The following CYP1A1 variants were observed in gnomAD, a reference collection of about 807,000 sequenced individuals.
The protein encoded by CYP1A1 is cytochrome P450 family 1 subfamily A member 1, also known as cytochrome P450 1A1.
CYP1A1 carries 43 observed loss-of-function variants against 33.6 expected under a neutral mutation model. The ratio of observed to expected loss-of-function variants is 1.28; its 90% CI spans 1.00 to 1.65. CYP1A1 has a LOEUF of 1.65. Among genes scored for constraint, CYP1A1 ranks in the 40% most tolerant of loss-of-function variants. The probability of loss-of-function intolerance (pLI) is 0.00; values close to 1 mark genes in which losing one functional copy is unlikely to be tolerated. For synonymous variants in CYP1A1, 280 were observed against 257.8 expected (o/e 1.09, Z -0.83); for missense variants, 637 against 653.7 (o/e 0.97, Z 0.28).
rs753126837 is a variant in CYP1A1 at position 74,722,720 on chromosome 15, G to C, written c.378C>G (p.Asp126Glu). ...GGCGGGCAGCCCACACTGGTCCAGA[G>C]TCTGGGCTGAAGGACATGCTCTGAC... The part of the protein sequence containing the change: ...SNGQSMSFSP[D>E]SGPVWAARRR... Residue 126 changes from aspartate to glutamate, a missense_variant, in exon 2 of 7, where the codon GAC becomes GAG. Physicochemically the swap from Asp to Glu is conservative, Grantham distance 45 (BLOSUM62 2). Transcript: ENST00000379727. 3.1e-6 allele frequency: 5 copies of C among 1,613,422 alleles called. No homozygotes were observed. Among genetic ancestry groups the C allele is most frequent in the Admixed American group, 1.7e-5 (1 of 60,030 alleles).
intron 1 of CYP1A1, 104 bp from the exon 2 acceptor site, chr15:74,723,230 C>T (rs1478921166): frequency 3.1e-6 from 2 of 651,782 alleles, no homozygotes; most frequent in Admixed American, 3.1e-5. Flanking sequence ...TCCACCAGAA[C>T]TGCTTACTGG....
rs764497837 is a variant in CYP1A1 at position 74,722,326 on chromosome 15, ACTT to A, written c.769_771del (p.Lys257del). The A allele has an allele frequency of 1.2e-6, 2 of 1,613,928 alleles. No homozygotes were observed. The highest frequency in any genetic ancestry group is 2.2e-5 in the East Asian group (1 of 44,872). On this transcript the variant is annotated inframe_deletion, in exon 2 of 7. Coordinates refer to ENST00000379727, the MANE Select transcript of CYP1A1 (RefSeq NM_001319217.2). ...ACCATCTTCTGCATGAAGCTGTAGA[ACTT>A]CTCATTCAGGTCCTTGAAGGCATTC...
In CYP1A1 at chr15:74,722,606, G is replaced by A; in HGVS notation, c.492C>T (p.Ser164=). The A allele has an allele frequency of 1.9e-6, 3 of 1,614,154 alleles. No individual in the cohort carries two copies. Among genetic ancestry groups the A allele is most frequent in the South Asian group, 2.2e-5 (2 of 91,086 alleles). The part of the protein sequence containing the change: ...STSCYLEEHV[S]KEAEVLISTL... ...TGCTTATCAGGACCTCAGCCTCCTT[G>A]CTCACATGCTCTTCCAGGTAGCAGG... The change falls in exon 2 of 7, where the codon AGC becomes AGT. Residue 164 remains serine (S), a synonymous_variant. Transcript: ENST00000379727.
chr15:74,722,244 C>T (rs1183358345), intron 2 of CYP1A1, 29 bp downstream of exon 2: 3 of 1,580,716 alleles, frequency 1.9e-6, no homozygotes, highest in Non-Finnish European at 2.6e-6. Flanking sequence ...CTGCTTCCCA[C>T]CACCCACCTG....
At chr15:74,722,147 T>G (rs2141716171) in intron 2 of CYP1A1, 126 bp downstream of exon 2, 1 of 747,902 alleles carries the variant, frequency 1.3e-6, no homozygotes, top group Non-Finnish European at 2.2e-6. Context: ...ACAACTGGCT[T>G]CAAGATCCCA....
rs201651069 is a variant in CYP1A1, at chr15:74,721,221, C to T, written c.1144G>A (p.Val382Ile). The T allele has an allele frequency of 3.0e-5, 48 of 1,612,994 alleles. No individual in the cohort carries two copies. The East Asian group carries it at 3.3e-4, about 11-fold the overall frequency. ...TACCTGTGGGGGATGGTGAAGGGGA[C>T]GAAGGAAGAGTGTCGGAAGGTCTCC... ...ILETFRHSSF[V>I]PFTIPHSTTR... is the part of the protein sequence containing the mutation. The change falls in exon 5 of 7, where the codon GTC (valine) becomes ATC (isoleucine). Residue 382 changes from valine (V) to isoleucine (I), a missense_variant. Transcript: ENST00000379727.
rs747822093 is a variant in CYP1A1, at chr15:74,721,308, T to C, written c.1057A>G (p.Arg353Gly). 33 of 1,613,596 alleles carry C rather than the reference T, an allele frequency of 2.0e-5. No homozygotes were observed. Among genetic ancestry groups the C allele is most frequent in the Non-Finnish European group, 2.6e-5 (31 of 1,179,794 alleles). The change falls in exon 5 of 7, where the codon AGG becomes GGG. Residue 353 changes from arginine (R) to glycine (G), a missense_variant. Coordinates refer to ENST00000379727, the MANE Select transcript of CYP1A1 (RefSeq NM_001319217.2). ...IQEELDTVIG[R>G]SRRPRLSDRS... is the part of the protein sequence containing the mutation. ...TCAGAGAGCCGGGGCCGCCGTGACC[T>C]GCCAATCACTGTGTCTGCAGAACAC... is the stretch of plus-strand genomic sequence containing the variant.
At position 74,722,864 on chromosome 15, in the gene CYP1A1, A is replaced by G. The variant is rs1404573054; in HGVS notation, c.234T>C (p.Ile78=). 3 of 1,614,012 alleles carry G rather than the reference A, an allele frequency of 1.9e-6. No homozygotes were observed. Among genetic ancestry groups the G allele is most frequent in the African/African-American group, 1.3e-5 (1 of 74,906 alleles). The change falls in exon 2 of 7, where the codon ATT becomes ATC. Residue 78 remains isoleucine, a synonymous_variant. Transcript: ENST00000379727. ...QQYGDVLQIR[I]GSTPVVVLSG... is the part of the protein sequence containing the mutation. ...TCAGCACCACCACGGGTGTGGAGCC[A>G]ATTCGGATCTGCAGCACGTCCCCAT...
At chr15:74,722,221 G>A (rs2063175726) in intron 2 of CYP1A1, 52 bp downstream of exon 2, 1 of 1,485,960 alleles carries the variant, frequency 6.7e-7, no homozygotes, top group African/African-American at 1.4e-5. Context: ...GACCTCCCAG[G>A]CCCTGATGCC....
intron 1 of CYP1A1, among the ~76,000 whole-genome samples, chr15:74,724,988 G>A (rs1423856356): frequency 6.6e-6 from 1 of 152,200 alleles, no homozygotes; most frequent in Admixed American, 6.5e-5. Context: ...GCCAGGGGTA[G>A]CTTCTTAGGC....
chr15:74,721,870 C>A, intron 2 of CYP1A1, 153 bp from the exon 3 acceptor site: 3 of 925,384 alleles, frequency 3.2e-6, no homozygotes, highest in African/African-American at 1.6e-5. Context: ...CTGCAAGGCT[C>A]TCTCCTACTA....
At chr15:74,721,848 TTC>T in intron 2 of CYP1A1, 131 bp from the exon 3 acceptor site, 1 of 1,205,886 alleles carries the variant, frequency 8.3e-7, no homozygotes, top group Non-Finnish European at 1.2e-6. Flanking sequence ...TTGTCCCAGC[TTC>T]TCTCTGCCTC....
At position 74,722,394 on chromosome 15, in the gene CYP1A1, T is replaced by G. The variant is rs751608165; in HGVS notation, c.704A>C (p.Asp235Ala). ...GEVVGSGNPA[D>A]FIPILRYLPN... ...TAGGTAGCGAAGAATAGGGATGAAG[T>G]CAGCTGGGTTTCCAGAGCCAACCAC... Residue 235 changes from aspartate (D) to alanine (A), a missense_variant, in exon 2 of 7, where the codon GAC (aspartate) becomes GCC (alanine). By Grantham distance (126) the Asp-to-Ala change is moderately radical (BLOSUM62 -2). Transcript: ENST00000379727. 1.7e-5 allele frequency: 28 copies of G among 1,614,004 alleles called. 1 individual carries two copies. The South Asian group carries it at 3.1e-4, about 18-fold the overall frequency.
In CYP1A1 at chr15:74,720,916, T is replaced by C. The variant is rs1247074624; in HGVS notation, c.1253+51A>G. On this transcript the variant is annotated intron_variant, in intron 6 of 6. Transcript: ENST00000379727. ...ATGCAATGATTGTATTAATCATATATAAGAGCTTAAGAGGGTGGACCCAGC... is the reference window on the plus strand; with the variant it reads ...ATGCAATGATTGTATTAATCATATACAAGAGCTTAAGAGGGTGGACCCAGC... The C allele has an allele frequency of 7.6e-6, 12 of 1,587,488 alleles. No individual in the cohort carries two copies. In the South Asian group the frequency reaches 1.0e-4, roughly 13 times the overall value.
chr15:74,720,804 C>G, intron 6 of CYP1A1, 30 bp from the exon 7 acceptor site: 1 of 1,590,614 alleles, frequency 6.3e-7, no homozygotes, highest in Non-Finnish European at 8.6e-7. Flanking sequence ...GCTGAAGTGG[C>G]AGTTCAGGGC....
rs2063166108 is a variant in CYP1A1 at position 74,721,135 on chromosome 15, C to T, written c.1166+64G>A. 3.7e-6 allele frequency: 6 copies of T among 1,608,586 alleles called. No individual in the cohort carries two copies. In the South Asian group the frequency reaches 6.7e-5, roughly 18 times the overall value. The stretch of plus-strand genomic sequence containing the variant: ...CCATGCCGTGTCCCTCCCACTAACC[C>T]TAATCAGGTATGTGGTCCGGAGTAA... On this transcript the variant is annotated intron_variant, in intron 5 of 6. Transcript: ENST00000379727.
At position 74,722,652 on chromosome 15, in the gene CYP1A1, G is replaced by A. The variant is rs1261043717; in HGVS notation, c.446C>T (p.Ser149Phe). ...GCAGGAGGTTGAGGAGGCTGGGTCAGAGGCAATGGAGAAACTTTTCAGGCC... is the reference window on the plus strand; with the variant it reads ...GCAGGAGGTTGAGGAGGCTGGGTCAAAGGCAATGGAGAAACTTTTCAGGCC... ...QNGLKSFSIA[S>F]DPASSTSCYL... Residue 149 changes from serine (S) to phenylalanine (F), a missense_variant, in exon 2 of 7, where the codon TCT becomes TTT. Coordinates refer to ENST00000379727, the MANE Select transcript of CYP1A1 (RefSeq NM_001319217.2). 6.2e-7 allele frequency: 1 copy of A among 1,614,000 alleles called. No homozygotes were observed. Among genetic ancestry groups the A allele is most frequent in the East Asian group, 2.2e-5 (1 of 44,884 alleles).
At chr15:74,721,172 GA>G in intron 5 of CYP1A1, 26 bp downstream of exon 5, 1 of 1,609,312 alleles carries the variant, frequency 6.2e-7, no homozygotes, top group Non-Finnish European at 8.5e-7. Context: ...ATCAGTAACA[GA>G]CAGCAGTGGC....
rs1213545700 is a variant in CYP1A1 at position 74,721,274 on chromosome 15, TG to T, written c.1090del (p.His364IlefsTer33). 2 of 1,613,708 alleles carry T rather than the reference TG, an allele frequency of 1.2e-6. No homozygotes were observed. Among genetic ancestry groups the T allele is most frequent in the Non-Finnish European group, 1.7e-6 (2 of 1,179,888 alleles). Reference protein sequence around the residue: ...SRRPRLSDRSHLPYMEAFILE... With the variant: ...SRRPRLSDRSXLPYMEAFILE... Reference sequence around the variant, plus strand: ...GATGAAGGCCTCCATATAGGGCAGATGGGATCTGTCAGAGAGCCGGGGCCGC... The same window carrying T: ...GATGAAGGCCTCCATATAGGGCAGATGGATCTGTCAGAGAGCCGGGGCCGC... On this transcript the variant is annotated frameshift_variant, in exon 5 of 7. Coordinates refer to ENST00000379727, the MANE Select transcript of CYP1A1 (RefSeq NM_001319217.2). LOFTEE classifies it high-confidence loss of function.
Sources: allele counts gnomAD v4.1 joint callset (sites outside exome capture counted in the v4.1 genomes callset), GRCh38; gene constraint gnomAD v4.1.1; transcripts MANE v1.5; gene names NCBI Gene and HGNC (gene_info 2026-07-23, HGNC 2026-07-21).